Variants in NRG3 observed in about 807,000 individuals in gnomAD.
NRG3 encodes the protein neuregulin 3.
A neutral mutation model predicts 66.9 loss-of-function variants in NRG3; 31 were observed. That is an observed-to-expected ratio of 0.46 (90% confidence interval 0.35 to 0.63). The LOEUF (loss-of-function observed/expected upper bound fraction) is 0.63, where lower values mean the gene tolerates loss of function less well. Among genes scored for constraint, NRG3 ranks in the 20% least tolerant of loss-of-function variants. The pLI, the probability that NRG3 is intolerant of heterozygous loss-of-function variation, is 0.00. For missense variants in NRG3, 910 were observed against 878.9 expected, an observed-to-expected ratio of 1.04 and a Z score of -0.45; for synonymous variants, 393 against 359.4, an observed-to-expected ratio of 1.09 and a Z score of -1.06.
At chr10:82,849,390 C>T (rs568513652) in intron 3 of NRG3, among the ~76,000 whole-genome samples, 1 of 152,176 alleles carries the variant, frequency 6.6e-6, no homozygotes, top group Non-Finnish European at 1.5e-5. Context: ...TCTTTAAGCC[C>T]TCTACTTTCT....
At chr10:82,309,169 A>C (rs1589672251) in intron 1 of NRG3, among the ~76,000 whole-genome samples, 1 of 152,202 alleles carries the variant, frequency 6.6e-6, no homozygotes, top group East Asian at 1.9e-4. Flanking sequence ...TGAATAGAGA[A>C]GCTTTCGGGA....
Position 82,370,400 on chromosome 10 carries a change from C to T in NRG3, c.953+11532C>T, listed in dbSNP as rs892640835. 3.6e-5 allele frequency among the ~76,000 whole-genome samples: 5 copies of T among 138,522 alleles called. 1 individual carries two copies. In the South Asian group the frequency reaches 6.4e-4, roughly 18 times the overall value. The allele number at this position is 138,522 out of a possible 152,430, so 90.9% of individuals were successfully genotyped here. On this transcript the variant is annotated intron_variant, in intron 2 of 8. Transcript: ENST00000372141. ...TCCAGACATCCCTCCTCTTCTCTTT[C>T]TCTGCCGCGTCGTTCTGCCATTGCT... is the stretch of plus-strand genomic sequence containing the variant.
chr10:82,551,150 A>G (rs2044280007), intron 2 of NRG3, among the ~76,000 whole-genome samples: 1 of 152,122 alleles, frequency 6.6e-6, no homozygotes, highest in Non-Finnish European at 1.5e-5. Flanking sequence ...TCAAGCAATG[A>G]CTCCCATGAG....
intron 1 of NRG3, among the ~76,000 whole-genome samples, chr10:82,012,786 A>G (rs1564736908): frequency 1.3e-5 from 2 of 152,216 alleles, no homozygotes; most frequent in Non-Finnish European, 2.9e-5. Flanking sequence ...AAGCATAAAA[A>G]GAGTCACCTT....
intron 1 of NRG3, among the ~76,000 whole-genome samples, chr10:82,050,526 G>T (rs996444593): frequency 1.3e-5 from 2 of 151,926 alleles, no homozygotes; most frequent in Non-Finnish European, 2.9e-5. Flanking sequence ...GTGTCCTGCA[G>T]ACTAACGGCA....
chr10:82,649,230 A>G (rs773777147), intron 2 of NRG3, among the ~76,000 whole-genome samples: 10 of 152,152 alleles, frequency 6.6e-5, no homozygotes, highest in Non-Finnish European at 1.2e-4. Flanking sequence ...AAATGTTTGC[A>G]TTTCAAAGAG....
chr10:82,699,638 G>A (rs188975228), intron 2 of NRG3, among the ~76,000 whole-genome samples: 13 of 151,976 alleles, frequency 8.6e-5, no homozygotes, highest in East Asian at 3.9e-4. Flanking sequence ...GAGCAGATGC[G>A]CCCTACTTGG....
At chr10:82,466,828 A>G (rs1840723251) in intron 2 of NRG3, among the ~76,000 whole-genome samples, 1 of 151,862 alleles carries the variant, frequency 6.6e-6, no homozygotes. Context: ...GGAGGGGCAC[A>G]CACGATGAGG....
At chr10:82,352,012 A>G (rs1036626113) in intron 1 of NRG3, among the ~76,000 whole-genome samples, 1 of 152,210 alleles carries the variant, frequency 6.6e-6, no homozygotes. Context: ...TCAAACTCCC[A>G]GGGAGGCTGT....
intron 2 of NRG3, among the ~76,000 whole-genome samples, chr10:82,601,725 G>A (rs796550844): frequency 2.1e-4 from 32 of 150,984 alleles, no homozygotes; most frequent in African/African-American, 7.5e-4. Context: ...TTAAAGTATG[G>A]TAGATAGAGT....
chr10:82,818,578 A>G (rs896691157), intron 3 of NRG3, among the ~76,000 whole-genome samples: 11 of 152,142 alleles, frequency 7.2e-5, no homozygotes, highest in African/African-American at 2.7e-4. Context: ...AATTTTAAGC[A>G]TATTTTTATG....
intron 2 of NRG3, among the ~76,000 whole-genome samples, chr10:82,395,443 C>A (rs2086652714): frequency 6.6e-6 from 1 of 152,180 alleles, no homozygotes; most frequent in African/African-American, 2.4e-5. Flanking sequence ...TAGATCCCTC[C>A]CTTAGTAGAC....
intron 4 of NRG3, among the ~76,000 whole-genome samples, chr10:82,915,957 C>G (rs1005236170): frequency 3.9e-5 from 6 of 152,122 alleles, no homozygotes; most frequent in Admixed American, 3.9e-4. Context: ...TATTACAGAT[C>G]TCCTGAATAA....
intron 2 of NRG3, among the ~76,000 whole-genome samples, chr10:82,504,760 C>T (rs756900705): frequency 6.6e-5 from 10 of 152,098 alleles, no homozygotes; most frequent in African/African-American, 2.2e-4. Flanking sequence ...TCTGGGAAAA[C>T]GTTTGTCTGT....
intron 1 of NRG3, among the ~76,000 whole-genome samples, chr10:82,203,959 TA>T (rs2074984302): frequency 1.3e-5 from 2 of 152,196 alleles, no homozygotes; most frequent in Non-Finnish European, 2.9e-5. Context: ...GTTCTTTATT[TA>T]ACTGACCATC....
At chr10:82,680,819 A>G (rs939072578) in intron 2 of NRG3, among the ~76,000 whole-genome samples, 1 of 152,236 alleles carries the variant, frequency 6.6e-6, no homozygotes, top group African/African-American at 2.4e-5. Context: ...TGAAAGCTAA[A>G]AATGATGCAG....
intron 1 of NRG3, among the ~76,000 whole-genome samples, chr10:82,175,147 A>C (rs569395402): frequency 6.6e-6 from 1 of 152,092 alleles, no homozygotes; most frequent in African/African-American, 2.4e-5. Flanking sequence ...ACTTTCTGTC[A>C]TCCTCTCTGA....
chr10:82,331,322 T>C (rs3904726), intron 1 of NRG3, among the ~76,000 whole-genome samples: 23,364 of 152,234 alleles, frequency 0.15, 1,950 homozygotes, highest in East Asian at 0.3. Context: ...TCCATGCAAG[T>C]GCTATTTTTA....
chr10:82,336,140 C>A (rs1464557436), intron 1 of NRG3, among the ~76,000 whole-genome samples: 2 of 152,040 alleles, frequency 1.3e-5, no homozygotes, highest in African/African-American at 4.8e-5. Flanking sequence ...TGAACTAAAT[C>A]TGATTCTTTG....
Sources: gnomAD v4.1 joint callset for allele counts (sites outside exome capture counted in the v4.1 genomes callset) on GRCh38, gnomAD v4.1.1 for gene constraint, MANE v1.5 for transcripts, NCBI Gene and HGNC (gene_info 2026-07-23, HGNC 2026-07-21) for gene names.